FAM171A1: variants seen among roughly 807,000 people sequenced by gnomAD.
The protein encoded by FAM171A1 is protein FAM171A1.
A neutral mutation model predicts 74.9 loss-of-function variants in FAM171A1; 23 were observed. The observed-to-expected ratio is 0.31, with a 90% CI of 0.22 to 0.44. The LOEUF is 0.44. Ranked by LOEUF, FAM171A1 falls within the 20% of genes least tolerant of loss-of-function variation. The probability of loss-of-function intolerance (pLI) is 1.00; values close to 1 mark genes in which losing one functional copy is unlikely to be tolerated. For synonymous variants in FAM171A1, 527 were observed against 505.7 expected, an observed-to-expected ratio of 1.04 and a Z score of -0.57; for missense variants, 1,162 against 1,159.2, an observed-to-expected ratio of 1.00 and a Z score of -0.03.
intron 7 of FAM171A1, among the ~76,000 whole-genome samples, chr10:15,215,609 G>A (rs749276624): frequency 6.6e-6 from 1 of 152,034 alleles, no homozygotes; most frequent in Non-Finnish European, 1.5e-5. Context: ...CAAGTGATCC[G>A]CCCACCTCGG....
At chr10:15,362,647 C>T (rs1399206781) in intron 1 of FAM171A1, among the ~76,000 whole-genome samples, 4 of 152,190 alleles carry the variant, frequency 2.6e-5, no homozygotes, top group Non-Finnish European at 5.9e-5. Flanking sequence ...TCTCTTGAAC[C>T]CAGGAGGCAG....
At chr10:15,273,147 A>T (rs2131796467) in intron 3 of FAM171A1, among the ~76,000 whole-genome samples, 1 of 152,330 alleles carries the variant, frequency 6.6e-6, no homozygotes, top group East Asian at 1.9e-4. Flanking sequence ...ACCACTAGCA[A>T]GACTAATAAA....
chr10:15,229,678 T>C (rs1834165774), intron 5 of FAM171A1, among the ~76,000 whole-genome samples: 1 of 137,832 alleles, frequency 7.3e-6, no homozygotes, highest in African/African-American at 2.8e-5. Flanking sequence ...CCCATCACCA[T>C]CATCACCATC....
intron 1 of FAM171A1, among the ~76,000 whole-genome samples, chr10:15,288,473 A>G (rs1421865933): frequency 6.6e-6 from 1 of 152,210 alleles, no homozygotes; most frequent in East Asian, 1.9e-4. Flanking sequence ...TATAACATAA[A>G]TTAACTCATG....
chr10:15,275,375 C>T (rs1834880044), intron 3 of FAM171A1, among the ~76,000 whole-genome samples: 1 of 151,832 alleles, frequency 6.6e-6, no homozygotes, highest in African/African-American at 2.4e-5. Context: ...CAACCTCCAC[C>T]TCCCAGGTTT....
At chr10:15,243,895 C>A (rs1042237085) in intron 5 of FAM171A1, among the ~76,000 whole-genome samples, 28 of 152,250 alleles carry the variant, frequency 1.8e-4, no homozygotes, top group African/African-American at 6.0e-4. Context: ...GGACTACAGG[C>A]GCCCGCCACC....
intron 4 of FAM171A1, among the ~76,000 whole-genome samples, chr10:15,252,825 G>C (rs1360869871): frequency 2.0e-5 from 3 of 152,148 alleles, no homozygotes; most frequent in Non-Finnish European, 2.9e-5. Flanking sequence ...CTGTGTCTTA[G>C]TGTTCGTTTT....
chr10:15,306,389 C>G (rs1835295521), intron 1 of FAM171A1, among the ~76,000 whole-genome samples: 1 of 150,016 alleles, frequency 6.7e-6, no homozygotes, highest in Non-Finnish European at 1.5e-5. Context: ...TTTTGAGAGA[C>G]AGTCTTGCTC....
chr10:15,307,655 A>G (rs1835313312), intron 1 of FAM171A1, among the ~76,000 whole-genome samples: 1 of 150,586 alleles, frequency 6.6e-6, no homozygotes, highest in Middle Eastern at 3.5e-3. Flanking sequence ...TCAAAAAAAA[A>G]AAAAAAAAAA....
chr10:15,373,057 C>CA (rs1443878398), upstream of FAM171A1, among the ~76,000 whole-genome samples: 3 of 152,020 alleles, frequency 2.0e-5, no homozygotes, highest in East Asian at 1.9e-4. Context: ...GGCACCGTAC[C>CA]AAAAAAAGAA....
chr10:15,336,808 G>C (rs1835706218), intron 1 of FAM171A1, among the ~76,000 whole-genome samples: 1 of 152,096 alleles, frequency 6.6e-6, no homozygotes. Context: ...TGATTGCAGT[G>C]ACTAAATGAA....
At chr10:15,256,940 TAAC>T (rs1213638013) in intron 3 of FAM171A1, among the ~76,000 whole-genome samples, 1 of 152,188 alleles carries the variant, frequency 6.6e-6, no homozygotes. Context: ...CCGGATGATA[TAAC>T]AACATTCATT....
At chr10:15,265,652 T>C (rs1834730533) in intron 3 of FAM171A1, among the ~76,000 whole-genome samples, 1 of 150,318 alleles carries the variant, frequency 6.7e-6, no homozygotes, top group Admixed American at 6.6e-5. Context: ...AGCAGCTGGA[T>C]TTTGATTTTT....
chr10:15,266,683 T>C (rs372422771), intron 3 of FAM171A1, among the ~76,000 whole-genome samples: 22 of 151,904 alleles, frequency 1.4e-4, no homozygotes, highest in African/African-American at 5.1e-4. Flanking sequence ...TTGGGCAACA[T>C]AGCGAGACCC....
Position 15,254,897 on chromosome 10 carries a change from C to T in FAM171A1, c.419-18G>A, listed in dbSNP as rs183863223. ...CCGGGCACCTGCAGAGATTAACCTC[C>T]GAGTTATCTCCCCCAGGAGCAGTTT... On this transcript the variant is annotated intron_variant, in intron 3 of 7. Transcript: ENST00000378116. The T allele has an allele frequency of 4.7e-4, 756 of 1,606,372 alleles. 1 individual carries two copies. Among genetic ancestry groups the T allele is most frequent in the Middle Eastern group, 2.0e-3 (12 of 6,034 alleles).
chr10:15,372,560 T>C (rs1836162562), upstream of FAM171A1, among the ~76,000 whole-genome samples: 1 of 151,602 alleles, frequency 6.6e-6, no homozygotes, highest in Non-Finnish European at 1.5e-5. Context: ...TAACCAGGCA[T>C]AGTGGCCCAT....
intron 1 of FAM171A1, among the ~76,000 whole-genome samples, chr10:15,286,923 C>T (rs1208955058): frequency 6.6e-6 from 1 of 152,142 alleles, no homozygotes; most frequent in Non-Finnish European, 1.5e-5. Context: ...CAAATAAATG[C>T]TACAGAAACC....
At chr10:15,357,210 G>A (rs1425729866) in intron 1 of FAM171A1, among the ~76,000 whole-genome samples, 4 of 152,118 alleles carry the variant, frequency 2.6e-5, no homozygotes, top group Admixed American at 2.0e-4. Flanking sequence ...GTGAACCCGG[G>A]AGGTGGAGCT....
chr10:15,276,492 A>G (rs1229820599), intron 2 of FAM171A1, among the ~76,000 whole-genome samples: 1 of 152,160 alleles, frequency 6.6e-6, no homozygotes, highest in Non-Finnish European at 1.5e-5. Flanking sequence ...AGTTTTCAGT[A>G]AAGTAACTAA....
Sources: gnomAD v4.1 joint callset for allele counts (sites outside exome capture counted in the v4.1 genomes callset) on GRCh38, gnomAD v4.1.1 for gene constraint, MANE v1.5 for transcripts, NCBI Gene and HGNC (gene_info 2026-07-23, HGNC 2026-07-21) for gene names.